SH3GL3: variants seen among roughly 807,000 people sequenced by gnomAD.
The protein encoded by SH3GL3 is endophilin-A3.
In SH3GL3, 33 loss-of-function variants were observed where a neutral mutation model predicts 47.7. The observed-to-expected ratio is 0.69, with a 90% CI of 0.52 to 0.92. The LOEUF is 0.92. Ranked by LOEUF, SH3GL3 falls within the 40% of genes least tolerant of loss-of-function variation. The pLI, the probability that SH3GL3 is intolerant of heterozygous loss-of-function variation, is 0.00. For missense variants in SH3GL3, 363 were observed against 417.8 expected (o/e 0.87, Z 1.14); for synonymous variants, 155 against 148.8 (o/e 1.04, Z -0.30).
At chr15:83,561,732 C>T (rs1054702249) in intron 2 of SH3GL3, among the ~76,000 whole-genome samples, 1 of 151,960 alleles carries the variant, frequency 6.6e-6, no homozygotes, top group Non-Finnish European at 1.5e-5. Flanking sequence ...AGAGGATATG[C>T]CCACTGATAG....
At chr15:83,551,671 G>A (rs114599859) in intron 1 of SH3GL3, among the ~76,000 whole-genome samples, 4 of 152,114 alleles carry the variant, frequency 2.6e-5, no homozygotes, top group African/African-American at 9.7e-5. Flanking sequence ...CCAGAATTAA[G>A]TTTAGCCCCA....
intron 1 of SH3GL3, among the ~76,000 whole-genome samples, chr15:83,549,917 A>G (rs2044580088): frequency 6.6e-6 from 1 of 152,146 alleles, no homozygotes; most frequent in South Asian, 2.1e-4. Flanking sequence ...CTGTAGATGT[A>G]TCACTCCCCT....
At chr15:83,474,862 A>T (rs1247696784) in intron 1 of SH3GL3, among the ~76,000 whole-genome samples, 1 of 152,098 alleles carries the variant, frequency 6.6e-6, no homozygotes, top group Non-Finnish European at 1.5e-5. Context: ...TACAGATTTG[A>T]CGATGCTGGG....
chr15:83,616,790 A>G (rs373131881), intron 8 of SH3GL3, among the ~76,000 whole-genome samples: 2 of 152,268 alleles, frequency 1.3e-5, no homozygotes, highest in East Asian at 1.9e-4. Flanking sequence ...ATCGAGAAAA[A>G]CAGGGAGGGA....
intron 1 of SH3GL3, among the ~76,000 whole-genome samples, chr15:83,481,616 A>T (rs2041361391): frequency 6.6e-6 from 1 of 152,230 alleles, no homozygotes; most frequent in Non-Finnish European, 1.5e-5. Flanking sequence ...ATCTTTAATC[A>T]TATATCTGAA....
the SH3GL3 span, among the ~76,000 whole-genome samples, chr15:83,631,020 G>T: frequency 6.6e-6 from 1 of 152,144 alleles, no homozygotes; most frequent in Admixed American, 6.5e-5. Context: ...AACGGGTATA[G>T]GCATTGGGTA....
At chr15:83,608,246 T>C (rs1289081523) in intron 8 of SH3GL3, among the ~76,000 whole-genome samples, 1 of 152,194 alleles carries the variant, frequency 6.6e-6, no homozygotes, top group Non-Finnish European at 1.5e-5. Context: ...CAGCAGTTCA[T>C]TGACTTTTAC....
Position 83,447,475 on chromosome 15 carries a change from GCGGCCGCGTGGCC to G in SH3GL3, c.-57_-45del. 7.0e-7 allele frequency: 1 copy of G among 1,420,162 alleles called. No individual in the cohort carries two copies. Among genetic ancestry groups the G allele is most frequent in the Non-Finnish European group, 9.3e-7 (1 of 1,076,230 alleles). 88.0% of individuals were successfully genotyped at this position (1,420,162 alleles called of 1,614,324 possible). On this transcript the variant is annotated 5_prime_UTR_variant, in exon 1 of 9. Transcript: ENST00000427482. This position sits in a 1 kb window ranked among gnomAD's most constrained non-coding sequence, Gnocchi z 5.1. ...CGGGCTCCCGCTCCCCGAGCGCGTCGCGGCCGCGTGGCCCAGCCGAGCCTTGAGACCACCCCGC... is the reference window on the plus strand; with the variant it reads ...CGGGCTCCCGCTCCCCGAGCGCGTCGCAGCCGAGCCTTGAGACCACCCCGC...
At chr15:83,462,221 A>C (rs2151510532) in intron 1 of SH3GL3, among the ~76,000 whole-genome samples, 1 of 152,336 alleles carries the variant, frequency 6.6e-6, no homozygotes, top group East Asian at 1.9e-4. Flanking sequence ...TTCAGACTGC[A>C]AAACTGCTGA....
chr15:83,505,591 G>A (rs748557006), intron 1 of SH3GL3, among the ~76,000 whole-genome samples: 6 of 144,696 alleles, frequency 4.1e-5, no homozygotes, highest in African/African-American at 1.3e-4. Flanking sequence ...GCAGTGATGC[G>A]ATCTCGGCTC....
chr15:83,539,421 G>C (rs1037168251), intron 1 of SH3GL3, among the ~76,000 whole-genome samples: 7 of 152,066 alleles, frequency 4.6e-5, no homozygotes, highest in Non-Finnish European at 7.4e-5. Flanking sequence ...TACCTCCATG[G>C]CCTATCATCT....
At chr15:83,576,445 C>G in intron 5 of SH3GL3, 138 bp from the exon 6 acceptor site, 1 of 647,242 alleles carries the variant, frequency 1.5e-6, no homozygotes, top group Non-Finnish European at 2.5e-6. Flanking sequence ...TGAGGTGCTC[C>G]CAACAGCAGT....
chr15:83,495,269 G>A (rs146875642), intron 1 of SH3GL3, among the ~76,000 whole-genome samples: 2 of 152,204 alleles, frequency 1.3e-5, no homozygotes, highest in African/African-American at 4.8e-5. Context: ...GTTGACTCAG[G>A]GAAACCACTG....
At chr15:83,533,392 G>A (rs2043768089) in intron 1 of SH3GL3, among the ~76,000 whole-genome samples, 1 of 152,152 alleles carries the variant, frequency 6.6e-6, no homozygotes, top group South Asian at 2.1e-4. Flanking sequence ...AATGGCAGAA[G>A]GGGTTCATAT....
Position 83,618,257 on chromosome 15 carries a change from C to G in SH3GL3, c.1014C>G (p.Tyr338Ter), listed in dbSNP as rs762906180. Residue 338 changes from tyrosine (Y) to a stop codon, truncating the protein, a stop_gained, in exon 9 of 9, where the codon TAC becomes TAG. Coordinates refer to ENST00000427482, the MANE Select transcript of SH3GL3 (RefSeq NM_003027.5). LOFTEE classifies it high-confidence loss of function. Reference protein sequence around the residue: ...HGESGFFPINYVEVIVPLPQ With the variant: ...HGESGFFPIN ...AATCGGGATTCTTCCCCATTAATTA[C>G]GTGGAAGTGATCGTGCCTTTACCTC... The G allele has an allele frequency of 6.2e-7, 1 of 1,610,576 alleles. No homozygotes were observed. The highest frequency in any genetic ancestry group is 1.1e-5 in the South Asian group (1 of 91,018).
Position 83,565,152 on chromosome 15 carries a change from A to G in SH3GL3, c.133A>G (p.Lys45Glu). The change falls in exon 3 of 9, where the codon AAA (lysine) becomes GAA (glutamate). Residue 45 changes from lysine (K) to glutamate (E), a missense_variant. Physicochemically the swap from Lys to Glu is moderately conservative, Grantham distance 56. Coordinates refer to ENST00000427482, the MANE Select transcript of SH3GL3 (RefSeq NM_003027.5). The stretch of plus-strand genomic sequence containing the variant: ...TTTTAAGAAAATAGATGTTACCAAT[A>G]AAGTTGTTGCAGAAATTCTTTCAAA... Reference protein sequence around the residue: ...DMERKIDVTNKVVAEILSKTT... With the variant: ...DMERKIDVTNEVVAEILSKTT... The G allele has an allele frequency of 6.4e-7, 1 of 1,556,824 alleles. No homozygotes were observed. Among genetic ancestry groups the G allele is most frequent in the Non-Finnish European group, 8.8e-7 (1 of 1,134,382 alleles).
At chr15:83,478,766 G>A (rs1359574848) in intron 1 of SH3GL3, among the ~76,000 whole-genome samples, 1 of 152,172 alleles carries the variant, frequency 6.6e-6, no homozygotes, top group Non-Finnish European at 1.5e-5. Flanking sequence ...GTAAAGAGCA[G>A]CTCCAACACG....
intron 8 of SH3GL3, among the ~76,000 whole-genome samples, chr15:83,613,669 ATCT>A (rs1567039431): frequency 2.1e-5 from 3 of 143,148 alleles, no homozygotes; most frequent in African/African-American, 7.8e-5. Context: ...CTATCTATCT[ATCT>A]ATCATTAGCC....
intron 1 of SH3GL3, among the ~76,000 whole-genome samples, chr15:83,541,206 A>G (rs1005668848): frequency 1.4e-5 from 2 of 147,190 alleles, no homozygotes; most frequent in Non-Finnish European, 3.0e-5. Context: ...AATCTTGGCT[A>G]TTGTGAATAA....
Sources: gnomAD v4.1 joint callset for allele counts (sites outside exome capture counted in the v4.1 genomes callset) on GRCh38, gnomAD v4.1.1 for gene constraint, Gnocchi (gnomAD v3.1) non-coding constraint, MANE v1.5 for transcripts, NCBI Gene and HGNC (gene_info 2026-07-23, HGNC 2026-07-21) for gene names.